NAV3: variants seen among roughly 807,000 people sequenced by gnomAD.
NAV3 encodes the protein neuron navigator 3.
Under a neutral mutation model 244.7 loss-of-function variants are expected in NAV3, and 87 were observed. The ratio of observed to expected loss-of-function variants is 0.36; its 90% CI spans 0.30 to 0.42. The LOEUF is 0.42. Among genes scored for constraint, NAV3 ranks in the 20% least tolerant of loss-of-function variants. NAV3 has a pLI of 1.00. For missense variants in NAV3, 2,663 were observed against 2,893.3 expected (o/e 0.92, Z 1.83); for synonymous variants, 1,126 against 1,042.2 (o/e 1.08, Z -1.55).
chr12:77,607,576 T>G (rs1870726225), intron 2 of NAV3, among the ~76,000 whole-genome samples: 1 of 152,068 alleles, frequency 6.6e-6, no homozygotes, highest in African/African-American at 2.4e-5. Flanking sequence ...AGAGAGGGGA[T>G]TGTAGCCAGG....
chr12:77,584,303 A>G (rs1869500365), intron 2 of NAV3, among the ~76,000 whole-genome samples: 1 of 152,210 alleles, frequency 6.6e-6, no homozygotes, highest in Non-Finnish European at 1.5e-5. Flanking sequence ...AATACCATTA[A>G]TTCAGCAAAT....
At chr12:77,780,903 C>T (rs1355528977) in intron 2 of NAV3, among the ~76,000 whole-genome samples, 1 of 152,130 alleles carries the variant, frequency 6.6e-6, no homozygotes, top group Non-Finnish European at 1.5e-5. Context: ...CAATTCTTTT[C>T]CTGGGAGGCA....
intron 2 of NAV3, among the ~76,000 whole-genome samples, chr12:77,663,061 A>G (rs946767931): frequency 6.6e-6 from 1 of 152,216 alleles, no homozygotes; most frequent in Admixed American, 6.5e-5. Flanking sequence ...TTTCACTTAA[A>G]TGTTGTAAAT....
chr12:77,811,657 A>T (rs928900256), intron 2 of NAV3, among the ~76,000 whole-genome samples: 1 of 152,228 alleles, frequency 6.6e-6, no homozygotes, highest in African/African-American at 2.4e-5. Context: ...CTGAATGAAT[A>T]CAAAATACAA....
At chr12:77,582,549 A>G (rs1054112838) in intron 2 of NAV3, among the ~76,000 whole-genome samples, 4 of 152,218 alleles carry the variant, frequency 2.6e-5, no homozygotes, top group African/African-American at 9.6e-5. Context: ...TGTTAGGAAA[A>G]TGTATTGTAG....
chr12:78,121,723 C>T (rs1472023456), intron 15 of NAV3, among the ~76,000 whole-genome samples: 5 of 152,060 alleles, frequency 3.3e-5, no homozygotes, highest in African/African-American at 1.2e-4. Flanking sequence ...CCCTCTTTCC[C>T]TAGTAGCAGC....
intron 9 of NAV3, among the ~76,000 whole-genome samples, chr12:78,028,869 A>G (rs1172803878): frequency 1.3e-5 from 2 of 152,220 alleles, no homozygotes; most frequent in African/African-American, 4.8e-5. Context: ...GTGACTTGTT[A>G]ATTTAGCCCA....
At chr12:78,071,057 G>T (rs915739600) in intron 12 of NAV3, among the ~76,000 whole-genome samples, 43 of 151,290 alleles carry the variant, frequency 2.8e-4, no homozygotes, top group African/African-American at 1.0e-3. Context: ...TAGTCCTTTG[G>T]GTATATACCC....
chr12:77,987,640 G>C (rs939259509), intron 5 of NAV3, among the ~76,000 whole-genome samples: 1 of 151,942 alleles, frequency 6.6e-6, no homozygotes, highest in African/African-American at 2.4e-5. Context: ...CCCCATTATA[G>C]GAACTAAGAA....
intron 2 of NAV3, among the ~76,000 whole-genome samples, chr12:77,677,667 G>A (rs1565767790): frequency 6.6e-6 from 1 of 152,218 alleles, no homozygotes; most frequent in Non-Finnish European, 1.5e-5. Context: ...AAAATGAGAT[G>A]TGTGAATGGA....
At chr12:77,998,845 G>A (rs898371046) in intron 7 of NAV3, among the ~76,000 whole-genome samples, 3 of 152,084 alleles carry the variant, frequency 2.0e-5, no homozygotes, top group African/African-American at 7.2e-5. Context: ...GTTAAGGTAA[G>A]AGCCATAAGT....
chr12:77,693,683 T>C (rs1398712254), intron 2 of NAV3, among the ~76,000 whole-genome samples: 1 of 152,136 alleles, frequency 6.6e-6, no homozygotes, highest in Non-Finnish European at 1.5e-5. Flanking sequence ...CCATTTGCTA[T>C]GCCTGATTGG....
At chr12:77,671,817 G>A (rs1001539762) in intron 2 of NAV3, among the ~76,000 whole-genome samples, 18 of 151,884 alleles carry the variant, frequency 1.2e-4, no homozygotes, top group African/African-American at 4.1e-4. Context: ...GGAAGATAAC[G>A]TCAGAAAAAC....
At chr12:77,636,374 G>A (rs545138953) in intron 2 of NAV3, among the ~76,000 whole-genome samples, 1 of 151,490 alleles carries the variant, frequency 6.6e-6, no homozygotes, top group South Asian at 2.1e-4. Flanking sequence ...GCTGAGGCAG[G>A]AGAATGACGT....
chr12:78,037,060 G>C (rs769281559), intron 9 of NAV3: 2 of 702,778 alleles, frequency 2.8e-6, no homozygotes, highest in African/African-American at 3.5e-5. Context: ...GCAGAGCGGC[G>C]CTCACTGTCC....
chr12:78,177,825 G>T, intron 28 of NAV3, 140 bp downstream of exon 28: 3 of 785,866 alleles, frequency 3.8e-6, no homozygotes, highest in South Asian at 2.0e-5. Context: ...ACTAAAATTT[G>T]GTTTCCTAAA....
intron 2 of NAV3, among the ~76,000 whole-genome samples, chr12:77,619,185 A>G (rs778774004): frequency 5.3e-5 from 8 of 152,136 alleles, no homozygotes; most frequent in East Asian, 1.9e-4. Flanking sequence ...ATCACTGCCA[A>G]CCGTGATTCT....
At chr12:77,789,785 G>A (rs894939250) in intron 2 of NAV3, among the ~76,000 whole-genome samples, 50 of 147,132 alleles carry the variant, frequency 3.4e-4, no homozygotes, top group African/African-American at 1.0e-3. Flanking sequence ...ACTGCAGCCT[G>A]GGCAACAAGA....
chr12:77,583,429 T>C (rs528181108), intron 2 of NAV3, among the ~76,000 whole-genome samples: 2 of 152,356 alleles, frequency 1.3e-5, no homozygotes, highest in South Asian at 4.1e-4. Context: ...CTAATTAACA[T>C]TGGAAAATGA....
Sources: gnomAD v4.1 joint callset for allele counts (sites outside exome capture counted in the v4.1 genomes callset) on GRCh38, gnomAD v4.1.1 for gene constraint, MANE v1.5 for transcripts, NCBI Gene and HGNC (gene_info 2026-07-23, HGNC 2026-07-21) for gene names.